Variants in GPHN observed in about 807,000 individuals in gnomAD.
GPHN encodes gephyrin.
Under a neutral mutation model 95.5 loss-of-function variants are expected in GPHN, and 17 were observed. The observed-to-expected ratio is 0.18, with a 90% CI of 0.12 to 0.27. The LOEUF (loss-of-function observed/expected upper bound fraction) is 0.27, where lower values mean the gene tolerates loss of function less well. Among genes scored for constraint, GPHN ranks in the 10% least tolerant of loss-of-function variants. The probability of loss-of-function intolerance (pLI) is 1.00; values close to 1 mark genes in which losing one functional copy is unlikely to be tolerated. For missense variants in GPHN, 660 were observed against 978.1 expected, an observed-to-expected ratio of 0.67 and a Z score of 4.34; for synonymous variants, 320 against 322.5, an observed-to-expected ratio of 0.99 and a Z score of 0.08.
the GPHN span, among the ~76,000 whole-genome samples, chr14:67,281,027 T>A: frequency 1.3e-5 from 2 of 151,696 alleles, no homozygotes; most frequent in Non-Finnish European, 2.9e-5. Context: ...GCCTCCCGAG[T>A]GGCTGGGATT....
At chr14:66,885,517 G>A (rs969799171) in intron 5 of GPHN, among the ~76,000 whole-genome samples, 2 of 152,098 alleles carry the variant, frequency 1.3e-5, no homozygotes, top group Non-Finnish European at 2.9e-5. Flanking sequence ...AAATATTGGG[G>A]ATCCAGGTTC....
chr14:67,438,164 A>G, the GPHN span, among the ~76,000 whole-genome samples: 1 of 152,142 alleles, frequency 6.6e-6, no homozygotes, highest in East Asian at 1.9e-4. Context: ...TCTGGCCCCA[A>G]GATGTTTTGT....
chr14:67,325,195 AGG>A, the GPHN span, among the ~76,000 whole-genome samples: 1 of 152,076 alleles, frequency 6.6e-6, no homozygotes, highest in Non-Finnish European at 1.5e-5. Flanking sequence ...GTGAGCCACC[AGG>A]CCCAGCCTCC....
the GPHN span, chr14:67,515,584 G>A: frequency 6.5e-6 from 1 of 152,884 alleles, no homozygotes; most frequent in Non-Finnish European, 1.5e-5. Context: ...CGCAGCCCGG[G>A]GTCGGCCCCG....
At chr14:66,658,233 A>T (rs775689883) in intron 1 of GPHN, among the ~76,000 whole-genome samples, 7 of 152,182 alleles carry the variant, frequency 4.6e-5, no homozygotes, top group Non-Finnish European at 8.8e-5. Flanking sequence ...ATCTCATGAT[A>T]AAATTTTCAC....
rs200529834 is a variant in GPHN, at chr14:67,049,222, TG to T, written c.1007-9426del. On this transcript the variant is annotated intron_variant, in intron 10 of 22. Transcript: ENST00000478722. ...TCCTGCTGATTAAGTTTGTTGTTGTTGTTGTTGTTGTTGTTGTTGTTTTGAG... is the reference window on the plus strand; with the variant it reads ...TCCTGCTGATTAAGTTTGTTGTTGTTTTGTTGTTGTTGTTGTTGTTTTGAG... 5.7e-4 allele frequency among the ~76,000 whole-genome samples: 87 copies of T among 152,016 alleles called. 1 individual carries two copies. The East Asian group carries it at 0.015, about 27-fold the overall frequency.
chr14:67,299,617 A>G, the GPHN span, among the ~76,000 whole-genome samples: 1 of 152,238 alleles, frequency 6.6e-6, no homozygotes, highest in African/African-American at 2.4e-5. Flanking sequence ...GGAGCAGTAG[A>G]ATAAAAGAAT....
intron 5 of GPHN, among the ~76,000 whole-genome samples, chr14:66,914,862 G>A (rs985307088): frequency 1.3e-5 from 2 of 151,974 alleles, no homozygotes; most frequent in Admixed American, 6.6e-5. Flanking sequence ...AACATATTAA[G>A]AACTATATAA....
chr14:67,461,759 C>T, the GPHN span, among the ~76,000 whole-genome samples: 2 of 152,196 alleles, frequency 1.3e-5, no homozygotes, highest in African/African-American at 4.8e-5. Context: ...GCAAAAGGTG[C>T]CATCTGGTCC....
chr14:67,572,245 T>C, the GPHN span: 5 of 1,605,912 alleles, frequency 3.1e-6, no homozygotes, highest in African/African-American at 6.7e-5. Flanking sequence ...GCGCACCTCA[T>C]CCTACTCCAC....
chr14:66,562,571 C>T (rs554202127), intron 1 of GPHN, among the ~76,000 whole-genome samples: 2 of 152,018 alleles, frequency 1.3e-5, no homozygotes, highest in South Asian at 4.2e-4. Flanking sequence ...TAACTCAAAG[C>T]GTTTGTTGGA....
chr14:67,048,187 G>A (rs1208030967), intron 10 of GPHN, among the ~76,000 whole-genome samples: 1 of 152,146 alleles, frequency 6.6e-6, no homozygotes, highest in African/African-American at 2.4e-5. Context: ...CATAGATAGT[G>A]TCATTAGTAT....
At chr14:67,092,526 A>G (rs1002808396) in intron 12 of GPHN, among the ~76,000 whole-genome samples, 4 of 152,118 alleles carry the variant, frequency 2.6e-5, no homozygotes, top group African/African-American at 9.7e-5. Context: ...CTTGCTCTGG[A>G]TCACTAAGCA....
At chr14:67,091,060 T>G (rs1425825062) in intron 12 of GPHN, among the ~76,000 whole-genome samples, 1 of 151,952 alleles carries the variant, frequency 6.6e-6, no homozygotes, top group African/African-American at 2.4e-5. Context: ...TCTTAAACTA[T>G]CTCTGAAAAA....
rs573233984 is a variant in GPHN at position 67,150,709 on chromosome 14, TG to T, written c.1836+7261del. Among the ~76,000 whole-genome samples the T allele has an allele frequency of 5.6e-3, 858 of 152,046 alleles. 8 individuals carry two copies. The highest frequency in any genetic ancestry group is 7.2e-3 in the Non-Finnish European group (489 of 67,982). On this transcript the variant is annotated intron_variant, in intron 18 of 22. Coordinates refer to ENST00000478722, the MANE Select transcript of GPHN (RefSeq NM_020806.5). ...ATTATTGTTATTTAAGTTTGGGGTTTGTTTTTTTTCTTTGTTTATATGTATG... is the reference window on the plus strand; with the variant it reads ...ATTATTGTTATTTAAGTTTGGGGTTTTTTTTTTTCTTTGTTTATATGTATG...
chr14:67,500,041 C>CA, the GPHN span, among the ~76,000 whole-genome samples: 14 of 151,962 alleles, frequency 9.2e-5, no homozygotes, highest in Admixed American at 7.9e-4. Flanking sequence ...GTTTTTGCAT[C>CA]AAAAAAGTGA....
intron 1 of GPHN, among the ~76,000 whole-genome samples, chr14:66,631,458 C>T (rs866237905): frequency 3.3e-5 from 5 of 152,096 alleles, no homozygotes; most frequent in Middle Eastern, 3.4e-3. Flanking sequence ...TTGTTTTTTC[C>T]TCACTAGGTC....
At chr14:67,413,455 G>A in the GPHN span, among the ~76,000 whole-genome samples, 2 of 152,138 alleles carry the variant, frequency 1.3e-5, no homozygotes, top group Non-Finnish European at 2.9e-5. Flanking sequence ...CACCAGGCAT[G>A]GGAAAGGCCC....
the GPHN span, chr14:67,441,946 C>T: frequency 6.5e-6 from 1 of 153,874 alleles, no homozygotes; most frequent in Admixed American, 6.6e-5. Context: ...ATATCTATCT[C>T]CTTCCTATTG....
Sources: gnomAD v4.1 joint callset for allele counts (sites outside exome capture counted in the v4.1 genomes callset) on GRCh38, gnomAD v4.1.1 for gene constraint, MANE v1.5 for transcripts, NCBI Gene and HGNC (gene_info 2026-07-23, HGNC 2026-07-21) for gene names.